The following CEMIP variants were observed in gnomAD, a reference collection of about 807,000 sequenced individuals.
CEMIP encodes the protein cell migration-inducing and hyaluronan-binding protein.
In CEMIP, 105 loss-of-function variants were observed where a neutral mutation model predicts 156.9. That is an observed-to-expected ratio of 0.67 (90% confidence interval 0.57 to 0.79). CEMIP has a LOEUF of 0.79. Ranked by LOEUF, CEMIP falls within the 30% of genes least tolerant of loss-of-function variation. The pLI is 0.00. For synonymous variants in CEMIP, 676 were observed against 668.4 expected, an observed-to-expected ratio of 1.01 and a Z score of -0.17; for missense variants, 1,457 against 1,769.4, an observed-to-expected ratio of 0.82 and a Z score of 3.17.
rs571555407 is a variant in CEMIP, at chr15:80,915,391, T to C, written c.1798-4703T>C. 6.6e-5 allele frequency among the ~76,000 whole-genome samples: 10 copies of C among 152,172 alleles called. No individual in the cohort carries two copies. In the South Asian group the frequency reaches 2.1e-3, roughly 32 times the overall value. On this transcript the variant is annotated intron_variant, in intron 14 of 29. Transcript: ENST00000394685. ...CTTGGAGGTTAGAAGCAAGATGGAG[T>C]TGGTTAGGTCAGATCTCTTTCACTG...
intron 1 of CEMIP, among the ~76,000 whole-genome samples, chr15:80,800,041 G>T (rs1227734378): frequency 6.6e-6 from 1 of 150,922 alleles, no homozygotes; most frequent in Non-Finnish European, 1.5e-5. Flanking sequence ...GTGTGTGTGT[G>T]TGTGTGTGTG....
rs755583209 is a variant in CEMIP at position 80,933,429 on chromosome 15, G to A, written c.2978G>A (p.Arg993Lys). 3 of 1,614,096 alleles carry A rather than the reference G, an allele frequency of 1.9e-6. No homozygotes were observed. Among genetic ancestry groups the A allele is most frequent in the South Asian group, 2.2e-5 (2 of 91,090 alleles). ...HPDCINVPDW[R>K]GAICSGCYAQ... ...GACTGCATCAATGTTCCCGACTGGA[G>A]AGGGGCCATTTGCAGTGGGTGCTAT... The change falls in exon 23 of 30, where the codon AGA (arginine) becomes AAA (lysine). Residue 993 changes from arginine to lysine, a missense_variant. By Grantham distance (26) the Arg-to-Lys change is conservative. Transcript: ENST00000394685.
At chr15:80,838,856 C>T (rs935585678) in intron 1 of CEMIP, among the ~76,000 whole-genome samples, 6 of 152,184 alleles carry the variant, frequency 3.9e-5, no homozygotes, top group African/African-American at 1.2e-4. Flanking sequence ...TCAGCTAGGA[C>T]GGGGCAGACT....
At chr15:80,924,013 C>T (rs1303678865) in intron 17 of CEMIP, among the ~76,000 whole-genome samples, 1 of 152,174 alleles carries the variant, frequency 6.6e-6, no homozygotes, top group Non-Finnish European at 1.5e-5. Context: ...TCACAAGAGG[C>T]CACGAGAATC....
chr15:80,800,225 C>T (rs930553360), intron 1 of CEMIP, among the ~76,000 whole-genome samples: 9 of 152,046 alleles, frequency 5.9e-5, no homozygotes, highest in Non-Finnish European at 7.4e-5. Flanking sequence ...AATCACCTCA[C>T]CATCCTCTGG....
In CEMIP at chr15:80,932,865, CTT is replaced by C. The variant is rs1278573110; in HGVS notation, c.2794-378_2794-377del. ...GTGTATGTGTAAAAGTGTGTGTACC[CTT>C]TCTCATACACACATCACCCCCACCT... On this transcript the variant is annotated intron_variant, in intron 22 of 29. Coordinates refer to ENST00000394685, the MANE Select transcript of CEMIP (RefSeq NM_001293298.2). This position sits in a 1 kb window ranked among gnomAD's most constrained non-coding sequence, Gnocchi z 4.5. Among the ~76,000 whole-genome samples the C allele has an allele frequency of 1.3e-5, 2 of 152,154 alleles. No individual in the cohort carries two copies. The highest frequency in any genetic ancestry group is 1.5e-5 in the Non-Finnish European group (1 of 68,024).
chr15:80,860,299 G>A lies in CEMIP; in HGVS notation c.-175-13239G>A, dbSNP rs8039648. 3.3e-3 allele frequency among the ~76,000 whole-genome samples: 503 copies of A among 152,258 alleles called. 3 individuals carry two copies. The highest frequency in any genetic ancestry group is 0.011 in the African/African-American group (467 of 41,542). Reference sequence around the variant, plus strand: ...TTCTGGTTTTGAGAACTTCTTTCACGTCCAGGTGTGTATGGTGTGGCACAC... The same window carrying A: ...TTCTGGTTTTGAGAACTTCTTTCACATCCAGGTGTGTATGGTGTGGCACAC... On this transcript the variant is annotated intron_variant, in intron 1 of 29. Transcript: ENST00000394685.
intron 10 of CEMIP, among the ~76,000 whole-genome samples, chr15:80,890,917 A>G (rs1899014034): frequency 6.6e-6 from 1 of 152,246 alleles, no homozygotes; most frequent in African/African-American, 2.4e-5. Flanking sequence ...CTTCAGTGTT[A>G]TTGAGAAGGA....
In CEMIP at chr15:80,858,728, A is replaced by G. The variant is rs113516862; in HGVS notation, c.-175-14810A>G. The stretch of plus-strand genomic sequence containing the variant: ...CAACAAGAGCGAAACTCCATCTCAA[A>G]AAAAAAAGAAAAAAAGAACTAATCT... On this transcript the variant is annotated intron_variant, in intron 1 of 29. Coordinates refer to ENST00000394685, the MANE Select transcript of CEMIP (RefSeq NM_001293298.2). Among the ~76,000 whole-genome samples, 1,068 of 152,286 alleles carry G rather than the reference A, an allele frequency of 7.0e-3. 12 individuals are homozygous for G. The highest frequency in any genetic ancestry group is 0.025 in the African/African-American group (1,024 of 41,560).
intron 27 of CEMIP, among the ~76,000 whole-genome samples, chr15:80,942,609 T>G (rs1901385779): frequency 6.6e-6 from 1 of 152,208 alleles, no homozygotes; most frequent in Non-Finnish European, 1.5e-5. Flanking sequence ...CCTCTCCTCC[T>G]GCCTTTCTTT....
At chr15:80,840,461 G>A (rs1897381008) in intron 1 of CEMIP, among the ~76,000 whole-genome samples, 1 of 152,124 alleles carries the variant, frequency 6.6e-6, no homozygotes, top group Non-Finnish European at 1.5e-5. Context: ...CAGAACTGTG[G>A]CGAGGCAGCC....
At chr15:80,811,253 A>G (rs1240635298) in intron 1 of CEMIP, among the ~76,000 whole-genome samples, 5 of 152,234 alleles carry the variant, frequency 3.3e-5, no homozygotes, top group Admixed American at 2.0e-4. Flanking sequence ...TGGCCCTTGG[A>G]GGATGACAGT....
chr15:80,921,897 G>A, intron 16 of CEMIP, 112 bp from the exon 17 acceptor site: 2 of 1,407,506 alleles, frequency 1.4e-6, no homozygotes, highest in South Asian at 2.3e-5. Context: ...GCTCCTGTGG[G>A]TGACGGCAGT....
chr15:80,881,200 C>T lies in CEMIP; in HGVS notation c.617+64C>T, dbSNP rs934516881. 5.7e-6 allele frequency: 8 copies of T among 1,415,632 alleles called. No homozygotes were observed. The East Asian group carries it at 1.4e-4, about 24-fold the overall frequency. The allele number at this position is 1,415,632 out of a possible 1,614,324, so 87.7% of individuals were successfully genotyped here. On this transcript the variant is annotated intron_variant, in intron 6 of 29. Coordinates refer to ENST00000394685, the MANE Select transcript of CEMIP (RefSeq NM_001293298.2). ...CAAAGTACACTTATTGAGTGTGCTC[C>T]CTGGCCAGGTGCCGCTCTAGGTGCT...
Position 80,936,781 on chromosome 15 carries a change from T to C in CEMIP, c.3117T>C (p.His1039=), listed in dbSNP as rs762670022. 6.2e-6 allele frequency: 10 copies of C among 1,614,046 alleles called. No homozygotes were observed. The Admixed American group carries it at 8.3e-5, about 13-fold the overall frequency. Residue 1039 remains histidine, a synonymous_variant, in exon 24 of 30, where the codon CAT becomes CAC. Transcript: ENST00000394685. ...YLEGALTRST[H]YQQYQPVVTL... is the part of the protein sequence containing the mutation. ...AGGGGGCGCTCACCAGGAGCACCCA[T>C]TACCAGCAATACCAACCGGTTGTCA...
chr15:80,841,974 C>A, intron 1 of CEMIP: 1 of 368,570 alleles, frequency 2.7e-6, no homozygotes, highest in Non-Finnish European at 5.5e-6. Context: ...ATGCCTAGCA[C>A]AGTGCCTGGG....
rs188044082 is a variant in CEMIP at position 80,820,859 on chromosome 15, G to A, written c.-176+41245G>A. Among the ~76,000 whole-genome samples the A allele has an allele frequency of 2.0e-5, 3 of 152,264 alleles. No individual in the cohort carries two copies. In the East Asian group the frequency reaches 5.8e-4, roughly 29 times the overall value. ...ATGGGAATACTTAGGACAATTTCTG[G>A]TATTTAATAAATGTTAAATATGTTT... On this transcript the variant is annotated intron_variant, in intron 1 of 29. Coordinates refer to ENST00000394685, the MANE Select transcript of CEMIP (RefSeq NM_001293298.2).
intron 6 of CEMIP, among the ~76,000 whole-genome samples, chr15:80,883,413 C>T (rs148454485): frequency 2.7e-4 from 41 of 152,258 alleles, no homozygotes; most frequent in African/African-American, 8.9e-4. Context: ...TTGCAAAATA[C>T]TGGATAGTAC....
At chr15:80,805,812 C>T (rs1896500150) in intron 1 of CEMIP, among the ~76,000 whole-genome samples, 1 of 152,152 alleles carries the variant, frequency 6.6e-6, no homozygotes, top group Non-Finnish European at 1.5e-5. Flanking sequence ...AAAGTTTTAT[C>T]TCTCCATTTT....
Sources: allele counts gnomAD v4.1 joint callset (sites outside exome capture counted in the v4.1 genomes callset), GRCh38; gene constraint gnomAD v4.1.1; non-coding constraint Gnocchi (gnomAD v3.1); transcripts MANE v1.5; gene names NCBI Gene and HGNC (gene_info 2026-07-23, HGNC 2026-07-21).